The following RGL1 variants were observed in gnomAD, a reference collection of about 807,000 sequenced individuals.
RGL1 encodes ral guanine nucleotide dissociation stimulator-like 1.
Under a neutral mutation model 95.2 loss-of-function variants are expected in RGL1, and 24 were observed. That is an observed-to-expected ratio of 0.25 (90% CI 0.18 to 0.35). The LOEUF is 0.35. RGL1 is among the 10% of genes least tolerant of loss of function. The pLI is 1.00. For missense variants in RGL1, 715 were observed against 936.3 expected (o/e 0.76, Z 3.08); for synonymous variants, 329 against 344.9 (o/e 0.95, Z 0.51).
At chr1:183,770,832 A>G (rs1478418892) in intron 2 of RGL1, among the ~76,000 whole-genome samples, 1 of 152,158 alleles carries the variant, frequency 6.6e-6, no homozygotes, top group African/African-American at 2.4e-5. Flanking sequence ...ACTTTTTCAA[A>G]TTTTAAGCCT....
At chr1:183,811,888 A>G (rs1661741868) in intron 2 of RGL1, among the ~76,000 whole-genome samples, 1 of 152,264 alleles carries the variant, frequency 6.6e-6, no homozygotes, top group Non-Finnish European at 1.5e-5. Flanking sequence ...AATTTTATGA[A>G]CATATTTTAT....
intron 1 of RGL1, among the ~76,000 whole-genome samples, chr1:183,721,599 A>T (rs545282513): frequency 2.6e-5 from 4 of 152,130 alleles, no homozygotes; most frequent in Non-Finnish European, 5.9e-5. Flanking sequence ...TGCTCAACCA[A>T]TCTGTAATCA....
At chr1:183,673,814 A>C (rs116163983) in intron 1 of RGL1, among the ~76,000 whole-genome samples, 1,974 of 152,188 alleles carry the variant, frequency 0.013, 52 homozygotes, top group African/African-American at 0.046. Context: ...GCCTAAACCA[A>C]GTGTGAACTT....
chr1:183,884,160 T>C (rs545326924), intron 6 of RGL1, among the ~76,000 whole-genome samples: 21 of 152,346 alleles, frequency 1.4e-4, no homozygotes, highest in Non-Finnish European at 2.6e-4. Context: ...GAAATAAGAA[T>C]TCGAATCCCT....
At chr1:183,760,613 G>A (rs111743818) in intron 2 of RGL1, among the ~76,000 whole-genome samples, 2 of 148,036 alleles carry the variant, frequency 1.4e-5, no homozygotes, top group African/African-American at 4.9e-5. Context: ...GTGTGGTGGT[G>A]TGTGCATGTA....
chr1:183,672,606 C>G (rs1652546235), intron 1 of RGL1, among the ~76,000 whole-genome samples: 2 of 152,128 alleles, frequency 1.3e-5, no homozygotes, highest in Admixed American at 6.5e-5. Context: ...GCTATTTAAC[C>G]TACTTAAGGG....
intron 2 of RGL1, among the ~76,000 whole-genome samples, chr1:183,747,983 A>G (rs1657750941): frequency 6.6e-6 from 1 of 152,090 alleles, no homozygotes; most frequent in Non-Finnish European, 1.5e-5. Flanking sequence ...TTTGATTGGT[A>G]GGTTATTAAT....
intron 2 of RGL1, among the ~76,000 whole-genome samples, chr1:183,751,802 G>A (rs550247850): frequency 3.6e-4 from 55 of 152,300 alleles, no homozygotes; most frequent in African/African-American, 1.3e-3. Context: ...GGCTAGGGGA[G>A]GGAGTTCCCT....
intron 2 of RGL1, among the ~76,000 whole-genome samples, chr1:183,742,528 C>G (rs1320472495): frequency 6.6e-6 from 1 of 152,162 alleles, no homozygotes; most frequent in Non-Finnish European, 1.5e-5. Flanking sequence ...AAATGATGAT[C>G]TAAGGCTCAT....
chr1:183,687,141 A>AAC (rs1653639776), intron 1 of RGL1, among the ~76,000 whole-genome samples: 1 of 152,172 alleles, frequency 6.6e-6, no homozygotes, highest in Admixed American at 6.5e-5. Flanking sequence ...ATTATGTGCT[A>AAC]TTCTATTACC....
chr1:183,841,554 G>A (rs1421406118), intron 2 of RGL1, among the ~76,000 whole-genome samples: 1 of 152,166 alleles, frequency 6.6e-6, no homozygotes, highest in East Asian at 1.9e-4. Flanking sequence ...GTTCACACAA[G>A]GCAGAACCTC....
chr1:183,851,435 C>T (rs1664820488), intron 3 of RGL1, among the ~76,000 whole-genome samples: 1 of 152,164 alleles, frequency 6.6e-6, no homozygotes, highest in South Asian at 2.1e-4. Flanking sequence ...ATGCCCTCTG[C>T]ATAATTTTAT....
intron 1 of RGL1, among the ~76,000 whole-genome samples, chr1:183,675,105 A>G (rs916954910): frequency 1.3e-5 from 2 of 152,172 alleles, no homozygotes; most frequent in African/African-American, 2.4e-5. Flanking sequence ...ATCAGAGCCA[A>G]TCATAGTGCC....
intron 2 of RGL1, among the ~76,000 whole-genome samples, chr1:183,794,241 A>G (rs1466800703): frequency 6.6e-6 from 1 of 152,202 alleles, no homozygotes; most frequent in Non-Finnish European, 1.5e-5. Flanking sequence ...AAAAAAGTTA[A>G]TCTCATGGAA....
chr1:183,866,175 T>C (rs1032114435), intron 4 of RGL1, 102 bp downstream of exon 4: 2 of 933,982 alleles, frequency 2.1e-6, no homozygotes, highest in Non-Finnish European at 3.4e-6. Context: ...CATGATTTTT[T>C]TTTCCATAGT....
At chr1:183,688,998 A>G (rs192572488) in intron 1 of RGL1, among the ~76,000 whole-genome samples, 2 of 152,338 alleles carry the variant, frequency 1.3e-5, no homozygotes, top group African/African-American at 4.8e-5. Context: ...ATAACTTTAC[A>G]GCAATTTTTC....
chr1:183,919,418 A>G (rs1669185863), intron 16 of RGL1, among the ~76,000 whole-genome samples: 1 of 152,350 alleles, frequency 6.6e-6, no homozygotes, highest in African/African-American at 2.4e-5. Context: ...TAGCTTCTGC[A>G]ATACCTATGC....
intron 3 of RGL1, among the ~76,000 whole-genome samples, chr1:183,857,531 C>T (rs765189391): frequency 7.9e-5 from 12 of 152,136 alleles, no homozygotes; most frequent in Non-Finnish European, 1.3e-4. Flanking sequence ...GGTGTCCACC[C>T]TCACCTTTGT....
chr1:183,869,629 T>C (rs947263401), intron 4 of RGL1, among the ~76,000 whole-genome samples: 1 of 152,242 alleles, frequency 6.6e-6, no homozygotes, highest in South Asian at 2.1e-4. Flanking sequence ...TCACTGTTTT[T>C]TCCCCACATC....
Sources: gnomAD v4.1 joint callset for allele counts (sites outside exome capture counted in the v4.1 genomes callset) on GRCh38, gnomAD v4.1.1 for gene constraint, MANE v1.5 for transcripts, NCBI Gene and HGNC (gene_info 2026-07-23, HGNC 2026-07-21) for gene names.